The following PTPRD variants were observed in gnomAD, a reference collection of about 807,000 sequenced individuals.
PTPRD encodes the protein protein tyrosine phosphatase receptor type D.
A neutral mutation model predicts 214.5 loss-of-function variants in PTPRD; 34 were observed. The observed-to-expected ratio is 0.16, with a 90% CI of 0.12 to 0.21. The LOEUF is 0.21. PTPRD is among the 10% of genes least tolerant of loss of function. The pLI, the probability that PTPRD is intolerant of heterozygous loss-of-function variation, is 1.00. For missense variants in PTPRD, 2,545 were observed against 2,398.7 expected (o/e 1.06, Z -1.27); for synonymous variants, 1,128 against 845.7 (o/e 1.33, Z -5.79).
intron 7 of PTPRD, among the ~76,000 whole-genome samples, chr9:9,675,366 T>C (rs1013883504): frequency 6.6e-6 from 1 of 151,460 alleles, no homozygotes; most frequent in Admixed American, 6.6e-5. Context: ...TAATATCTCA[T>C]CCAGGAATTT....
intron 11 of PTPRD, among the ~76,000 whole-genome samples, chr9:8,844,297 A>G (rs2097641284): frequency 6.6e-6 from 1 of 152,206 alleles, no homozygotes; most frequent in Admixed American, 6.5e-5. Context: ...TACCACATCC[A>G]TGGTGTGTCT....
intron 8 of PTPRD, among the ~76,000 whole-genome samples, chr9:9,561,875 G>C (rs2083060415): frequency 6.6e-6 from 1 of 152,104 alleles, no homozygotes; most frequent in Admixed American, 6.6e-5. Flanking sequence ...CCATGGCTCA[G>C]ACTTAGACAT....
chr9:9,059,489 C>T (rs1360762334), intron 10 of PTPRD, among the ~76,000 whole-genome samples: 2 of 151,914 alleles, frequency 1.3e-5, no homozygotes, highest in East Asian at 1.9e-4. Flanking sequence ...AGAAAATAAC[C>T]CAGGCATAAG....
chr9:9,209,587 T>C (rs1294680398), intron 9 of PTPRD, among the ~76,000 whole-genome samples: 4 of 152,198 alleles, frequency 2.6e-5, no homozygotes, highest in Non-Finnish European at 4.4e-5. Flanking sequence ...TGATATGATG[T>C]CTGGAATTTG....
chr9:9,489,531 T>A (rs1411720486), intron 8 of PTPRD, among the ~76,000 whole-genome samples: 1 of 151,872 alleles, frequency 6.6e-6, no homozygotes, highest in Non-Finnish European at 1.5e-5. Flanking sequence ...GAAAACAATA[T>A]AGGAGCAAAG....
chr9:9,769,352 GTC>G (rs1223492840), intron 5 of PTPRD, among the ~76,000 whole-genome samples: 1 of 109,322 alleles, frequency 9.1e-6, no homozygotes, highest in Non-Finnish European at 1.8e-5. Context: ...TTGAGATGGA[GTC>G]TCACTGTGTC....
intron 3 of PTPRD, among the ~76,000 whole-genome samples, chr9:10,104,559 T>C (rs913340030): frequency 6.6e-6 from 1 of 151,778 alleles, no homozygotes; most frequent in African/African-American, 2.4e-5. Context: ...TGGGATTGTT[T>C]TGCATAGCAA....
Position 8,500,841 on chromosome 9 carries a change from T to A in PTPRD, c.2041A>T (p.Thr681Ser), listed in dbSNP as rs753793335. Residue 681 changes from threonine (T) to serine (S), a missense_variant, in exon 24 of 46, where the codon ACT becomes TCT. Physicochemically the swap from Thr to Ser is moderately conservative, Grantham distance 58 (BLOSUM62 1). Coordinates refer to ENST00000381196, the MANE Select transcript of PTPRD (RefSeq NM_002839.4). ...GCTGTCACAGTGATCCGGTATTCAG[T>A]CCATTTTTCCAGCTGTTCCAAAAGG... is the stretch of plus-strand genomic sequence containing the variant. ...KYLLEQLEKW[T>S]EYRITVTAHT... is the part of the protein sequence containing the mutation. The A allele has an allele frequency of 5.6e-6, 9 of 1,614,164 alleles. No individual in the cohort carries two copies. The highest frequency in any genetic ancestry group is 5.5e-5 in the South Asian group (5 of 91,084).
At position 8,804,190 on chromosome 9, in the gene PTPRD, T is replaced by G. The variant is rs1052150858; in HGVS notation, c.-103-70244A>C. Among the ~76,000 whole-genome samples, 8 of 152,220 alleles carry G rather than the reference T, an allele frequency of 5.3e-5. No individual in the cohort carries two copies. In the South Asian group the frequency reaches 1.7e-3, roughly 32 times the overall value. ...CTGGTCTCGAACTCCTGACCTCAAG[T>G]GATCCATCCGCCTCAGCCTCCCAAA... is the stretch of plus-strand genomic sequence containing the variant. On this transcript the variant is annotated intron_variant, in intron 11 of 45. Coordinates refer to ENST00000381196, the MANE Select transcript of PTPRD (RefSeq NM_002839.4).
At chr9:8,975,167 G>C (rs527626523) in intron 11 of PTPRD, among the ~76,000 whole-genome samples, 53 of 151,336 alleles carry the variant, frequency 3.5e-4, no homozygotes, top group Non-Finnish European at 7.2e-4. Flanking sequence ...GAAGGGAATG[G>C]ATACATATTG....
intron 11 of PTPRD, among the ~76,000 whole-genome samples, chr9:8,798,773 T>C (rs1212735209): frequency 1.3e-5 from 2 of 152,180 alleles, no homozygotes; most frequent in African/African-American, 4.8e-5. Flanking sequence ...CTACTAGTGC[T>C]TCGGTGATCA....
chr9:8,958,259 C>G (rs1567236143), intron 11 of PTPRD, among the ~76,000 whole-genome samples: 4 of 151,884 alleles, frequency 2.6e-5, no homozygotes, highest in Non-Finnish European at 5.9e-5. Flanking sequence ...CCACTTCTCT[C>G]TCTGTCTGAA....
chr9:9,102,698 C>A (rs150127174), intron 10 of PTPRD, among the ~76,000 whole-genome samples: 1 of 152,174 alleles, frequency 6.6e-6, no homozygotes, highest in Non-Finnish European at 1.5e-5. Context: ...AATTGTTTTA[C>A]GATGTGATCA....
chr9:9,486,162 A>G (rs2095625429), intron 8 of PTPRD, among the ~76,000 whole-genome samples: 1 of 139,122 alleles, frequency 7.2e-6, no homozygotes, highest in Non-Finnish European at 1.6e-5. Context: ...AAAAAAAAAA[A>G]AAAAAAAAAA....
intron 8 of PTPRD, among the ~76,000 whole-genome samples, chr9:9,538,846 T>C (rs1474900909): frequency 1.3e-5 from 2 of 151,868 alleles, no homozygotes; most frequent in East Asian, 1.9e-4. Context: ...ACTTTTGTTT[T>C]GGTTTAATTT....
At chr9:8,894,499 A>G (rs954097977) in intron 11 of PTPRD, among the ~76,000 whole-genome samples, 5 of 152,130 alleles carry the variant, frequency 3.3e-5, no homozygotes, top group Admixed American at 6.5e-5. Flanking sequence ...GTATCCTGAT[A>G]GGAGTCAGAA....
intron 35 of PTPRD, among the ~76,000 whole-genome samples, chr9:8,420,364 T>C (rs1347745546): frequency 6.6e-6 from 1 of 152,204 alleles, no homozygotes; most frequent in Non-Finnish European, 1.5e-5. Context: ...GAAAATTGTT[T>C]CTTAGGTAGC....
rs62529133 is a variant in PTPRD, at chr9:8,939,107, G to A, written c.-104+79590C>T. ...TATCTGATTAAGGATTTAGAATACC[G>A]CAAGGTCTTTCAGAATCTCTTAATG... On this transcript the variant is annotated intron_variant, in intron 11 of 45. Transcript: ENST00000381196. 9.9e-3 allele frequency among the ~76,000 whole-genome samples: 1,506 copies of A among 152,174 alleles called. 15 individuals carry two copies. The highest frequency in any genetic ancestry group is 0.025 in the South Asian group (119 of 4,826).
intron 3 of PTPRD, among the ~76,000 whole-genome samples, chr9:10,063,395 A>G (rs560239298): frequency 6.6e-6 from 1 of 152,198 alleles, no homozygotes; most frequent in Admixed American, 6.5e-5. Flanking sequence ...TAAAGTATCT[A>G]TTGATAAAAA....
Sources: allele counts gnomAD v4.1 joint callset (sites outside exome capture counted in the v4.1 genomes callset), GRCh38; gene constraint gnomAD v4.1.1; transcripts MANE v1.5; gene names NCBI Gene and HGNC (gene_info 2026-07-23, HGNC 2026-07-21).